GNAS: variants seen among roughly 807,000 people sequenced by gnomAD.
GNAS encodes protein ALEX.
Under a neutral mutation model 54.5 loss-of-function variants are expected in GNAS, and 8 were observed. That is an observed-to-expected ratio of 0.15 (90% CI 0.09 to 0.26). The LOEUF (loss-of-function observed/expected upper bound fraction) is 0.26. GNAS is among the 10% of genes least tolerant of loss of function. The pLI is 1.00. For missense variants in GNAS, 170 were observed against 529.8 expected, an observed-to-expected ratio of 0.32 and a Z score of 6.67; for synonymous variants, 204 against 191.4, an observed-to-expected ratio of 1.07 and a Z score of -0.54.
intron 1 of GNAS, among the ~76,000 whole-genome samples, chr20:58,861,530 C>A (rs979423543): frequency 6.6e-6 from 1 of 152,134 alleles, no homozygotes; most frequent in Non-Finnish European, 1.5e-5. Context: ...AGATCATGTT[C>A]TCTTTAGGAA....
chr20:58,857,277 G>T lies in GNAS; in HGVS notation c.43+16391G>T, dbSNP rs1352066037. The T allele has an allele frequency of 6.6e-6, 1 of 152,210 alleles. No homozygotes were observed. Among genetic ancestry groups the T allele is most frequent in the African/African-American group, 2.4e-5 (1 of 41,450 alleles). 9.4% of individuals were successfully genotyped at this position (152,210 alleles called of 1,614,324 possible). ...GATCATTTTGTGTATGCCCATCCAG[G>T]TAGATCATGACATTGTCATTTACCT... On this transcript the variant is annotated intron_variant, in intron 1 of 12. Coordinates refer to the GNAS transcript ENST00000306090. The surrounding 1 kb of genome is among the most constrained non-coding windows in gnomAD (Gnocchi z 4.1).
At chr20:58,893,173 T>C (rs1232936612) in intron 1 of GNAS, among the ~76,000 whole-genome samples, 1 of 150,986 alleles carries the variant, frequency 6.6e-6, no homozygotes, top group Non-Finnish European at 1.5e-5. Context: ...AGACATTAAT[T>C]AGTTGTTTAT....
At position 58,853,372 on chromosome 20, in the gene GNAS, C is replaced by A. The variant is rs1172577257; in HGVS notation, c.43+12486C>A. 3 of 1,555,318 alleles carry A rather than the reference C, an allele frequency of 1.9e-6. No homozygotes were observed. The highest frequency in any genetic ancestry group is 1.9e-5 in the Admixed American group (1 of 51,464). On this transcript the variant is annotated intron_variant, in intron 1 of 12. Coordinates refer to the GNAS transcript ENST00000306090. This position sits in a 1 kb window ranked among gnomAD's most constrained non-coding sequence, Gnocchi z 4.4. ...CAACCACCTTTGGAGGCCCCAGGGGCAGCTGCCCCCGGTGCTGGGCCTAGC... is the reference window on the plus strand; with the variant it reads ...CAACCACCTTTGGAGGCCCCAGGGGAAGCTGCCCCCGGTGCTGGGCCTAGC...
intron 1 of GNAS, chr20:58,854,522 T>A (rs766263006): frequency 1.9e-6 from 3 of 1,577,860 alleles, no homozygotes; most frequent in Admixed American, 3.5e-5. Context: ...CACCAGCCGA[T>A]CCTGACTCCG....
At chr20:58,899,042 A>C in intron 3 of GNAS, 57 bp downstream of exon 3, 1 of 1,311,344 alleles carries the variant, frequency 7.6e-7, no homozygotes. Context: ...CATGAAGATC[A>C]TACTGGGAAA....
At position 58,841,131 on chromosome 20, in the gene GNAS, G is replaced by C. The variant is rs987236342; in HGVS notation, c.43+245G>C. On this transcript the variant is annotated intron_variant, in intron 1 of 12. Transcript: ENST00000306090. This position sits in a 1 kb window ranked among gnomAD's most constrained non-coding sequence, Gnocchi z 5.0. ...GGCGCACGCCGTGCGTCCCGCTGGA[G>C]ACAACCTGAGGTCTCCGAGCTGGTG... is the stretch of plus-strand genomic sequence containing the variant. Among the ~76,000 whole-genome samples, 3 of 152,236 alleles carry C rather than the reference G, an allele frequency of 2.0e-5. No individual in the cohort carries two copies. Among genetic ancestry groups the C allele is most frequent in the South Asian group, 2.1e-4 (1 of 4,830 alleles).
At chr20:58,865,672 G>A (rs189339059) in intron 1 of GNAS, among the ~76,000 whole-genome samples, 26 of 151,208 alleles carry the variant, frequency 1.7e-4, no homozygotes, top group Non-Finnish European at 2.9e-4. Context: ...TGCCTCCTGA[G>A]TTCAAGTGAC....
intron 1 of GNAS, among the ~76,000 whole-genome samples, chr20:58,859,591 C>G (rs562819602): frequency 2.4e-4 from 36 of 150,788 alleles, no homozygotes; most frequent in Admixed American, 2.0e-3. Flanking sequence ...ATTTCATAGG[C>G]AAATAAACCA....
At position 58,857,914 on chromosome 20, in the gene GNAS, G is replaced by C. The variant is rs1373896814; in HGVS notation, c.43+17028G>C. Among the ~76,000 whole-genome samples the C allele has an allele frequency of 2.6e-5, 4 of 152,128 alleles. No homozygotes were observed. The highest frequency in any genetic ancestry group is 9.7e-5 in the African/African-American group (4 of 41,422). On this transcript the variant is annotated intron_variant, in intron 1 of 12. Coordinates refer to the GNAS transcript ENST00000306090. This position sits in a 1 kb window ranked among gnomAD's most constrained non-coding sequence, Gnocchi z 4.1. ...GGGTGCTGGTAGCCAAACACCTTTG[G>C]ATGCAGCATAGTCCAGAAGGTGGGC... is the stretch of plus-strand genomic sequence containing the variant.
chr20:58,843,787 G>A (rs1408557160), intron 1 of GNAS, among the ~76,000 whole-genome samples: 3 of 152,210 alleles, frequency 2.0e-5, no homozygotes, highest in Non-Finnish European at 4.4e-5. Context: ...CGACCCAAAG[G>A]TGCTCTTGTA....
upstream of GNAS, chr20:58,890,812 G>GT (rs1301512549): frequency 6.6e-6 from 1 of 152,478 alleles, no homozygotes; most frequent in East Asian, 2.0e-4. Flanking sequence ...TCGTGTTCGT[G>GT]TGTGTGTGTG....
intron 5 of GNAS, 34 bp downstream of exon 5, chr20:58,903,825 C>G (rs981061671): frequency 6.2e-7 from 1 of 1,612,898 alleles, no homozygotes; most frequent in African/African-American, 1.3e-5. Context: ...GGCCTTAGCC[C>G]CGCCCACCTG....
In GNAS at chr20:58,856,038, C is replaced by CG; in HGVS notation, c.43+15155dup. 1 of 197,784 alleles carries CG rather than the reference C, an allele frequency of 5.1e-6. No individual in the cohort carries two copies. Among genetic ancestry groups the CG allele is most frequent in the South Asian group, 1.5e-4 (1 of 6,640 alleles). The allele number at this position is 197,784 out of a possible 1,614,324, so 12.3% of individuals were successfully genotyped here. A position where few individuals can be genotyped will look rare whatever the true frequency, so the allele number is the denominator to read the frequency against. ...ACGCGGGGAAGGTGGCGGGGCCTCC[C>CG]GGGAAATAAGCGGGGCCCTTGGCCT... On this transcript the variant is annotated intron_variant, in intron 1 of 12. Transcript: ENST00000306090. This position sits in a 1 kb window ranked among gnomAD's most constrained non-coding sequence, Gnocchi z 4.2.
chr20:58,844,495 G>A (rs546542893), intron 1 of GNAS, among the ~76,000 whole-genome samples: 8 of 152,182 alleles, frequency 5.3e-5, no homozygotes, highest in Non-Finnish European at 7.3e-5. Context: ...GAAAGGCCCA[G>A]GGCTAGCAGC....
At chr20:58,892,014 G>A in intron 1 of GNAS, 149 bp downstream of exon 1, 4 of 800,136 alleles carry the variant, frequency 5.0e-6, no homozygotes, top group East Asian at 1.3e-4. Flanking sequence ...GGGCGAGGCC[G>A]GAAGGGGGAC....
chr20:58,879,981 C>T (rs1169195746), intron 1 of GNAS, among the ~76,000 whole-genome samples: 1 of 152,134 alleles, frequency 6.6e-6, no homozygotes, highest in South Asian at 2.1e-4. Flanking sequence ...GAAAAAAAAG[C>T]TGACCCTCCC....
intron 1 of GNAS, among the ~76,000 whole-genome samples, chr20:58,875,751 C>T (rs554651294): frequency 2.6e-5 from 4 of 152,334 alleles, no homozygotes; most frequent in Non-Finnish European, 4.4e-5. Context: ...TGACTCATTC[C>T]GGCTCCGGTC....
At chr20:58,907,934 T>C (rs936629480) in intron 6 of GNAS, among the ~76,000 whole-genome samples, 6 of 152,364 alleles carry the variant, frequency 3.9e-5, no homozygotes, top group Middle Eastern at 3.4e-3. Context: ...GATGTCTCTC[T>C]CACAAGATTT....
intron 5 of GNAS, among the ~76,000 whole-genome samples, chr20:58,904,179 GTATGTTA>G (rs1185896549): frequency 1.3e-5 from 2 of 152,144 alleles, no homozygotes; most frequent in Non-Finnish European, 2.9e-5. Context: ...GGACAAAACT[GTATGTTA>G]AATATGGCAC....
Sources: gnomAD v4.1 joint callset for allele counts (sites outside exome capture counted in the v4.1 genomes callset) on GRCh38, gnomAD v4.1.1 for gene constraint, Gnocchi (gnomAD v3.1) non-coding constraint, MANE v1.5 for transcripts, NCBI Gene and HGNC (gene_info 2026-07-23, HGNC 2026-07-21) for gene names.